COL10A1: variants seen among roughly 807,000 people sequenced by gnomAD.
The protein encoded by COL10A1 is collagen type X alpha 1 chain.
COL10A1 carries 10 observed loss-of-function variants against 18.2 expected under a neutral mutation model. That is an observed-to-expected ratio of 0.55 (90% confidence interval 0.34 to 0.93). COL10A1 has a LOEUF of 0.93. Ranked by LOEUF, COL10A1 falls within the 40% of genes least tolerant of loss-of-function variation. COL10A1 has a pLI of 0.02. For missense variants in COL10A1, 897 were observed against 853.5 expected, an observed-to-expected ratio of 1.05 and a Z score of -0.64; for synonymous variants, 330 against 316.6, an observed-to-expected ratio of 1.04 and a Z score of -0.45.
intron 1 of COL10A1, among the ~76,000 whole-genome samples, chr6:116,141,217 C>T (rs1211582613): frequency 1.3e-5 from 2 of 150,904 alleles, no homozygotes; most frequent in African/African-American, 4.9e-5. Context: ...TTTGTGTTTA[C>T]TCCTCTCTCA....
chr6:116,139,028 A>C (rs1779696319), intron 1 of COL10A1, among the ~76,000 whole-genome samples: 1 of 152,164 alleles, frequency 6.6e-6, no homozygotes, highest in Admixed American at 6.5e-5. Context: ...TATTTTGATC[A>C]TACATGATTT....
chr6:116,140,221 T>C (rs1162562011), intron 1 of COL10A1, among the ~76,000 whole-genome samples: 2 of 152,166 alleles, frequency 1.3e-5, no homozygotes, highest in African/African-American at 2.4e-5. Flanking sequence ...TTTCCTTTCA[T>C]TGTTACCTAA....
chr6:116,161,353 AT>A (rs1158088997), upstream of COL10A1, among the ~76,000 whole-genome samples: 1 of 152,126 alleles, frequency 6.6e-6, no homozygotes, highest in Non-Finnish European at 1.5e-5. Context: ...ATAATAAAAA[AT>A]AATAATAAAG....
chr6:116,179,605 C>T, the COL10A1 span, among the ~76,000 whole-genome samples: 2 of 152,046 alleles, frequency 1.3e-5, no homozygotes, highest in Non-Finnish European at 2.9e-5. Flanking sequence ...AATTAACCTA[C>T]TGAAATTAAA....
chr6:116,152,536 C>T (rs893448356), intron 1 of COL10A1, among the ~76,000 whole-genome samples: 1 of 152,142 alleles, frequency 6.6e-6, no homozygotes, highest in African/African-American at 2.4e-5. Context: ...CAGTCTGACT[C>T]CTGTGTACTG....
chr6:116,176,654 A>T, the COL10A1 span, among the ~76,000 whole-genome samples: 3 of 152,114 alleles, frequency 2.0e-5, no homozygotes, highest in Non-Finnish European at 4.4e-5. Context: ...TTTTTCTTCC[A>T]CCTTTTTCCC....
chr6:116,119,978 T>C lies in COL10A1; in HGVS notation c.*95A>G. 1.8e-6 allele frequency: 2 copies of C among 1,123,762 alleles called. No individual in the cohort carries two copies. The highest frequency in any genetic ancestry group is 1.3e-6 in the Non-Finnish European group (1 of 744,156). The allele number at this position is 1,123,762 out of a possible 1,614,324, so 69.6% of individuals were successfully genotyped here. A position where few individuals can be genotyped will look rare whatever the true frequency, so the allele number is the denominator to read the frequency against. On this transcript the variant is annotated 3_prime_UTR_variant, in exon 3 of 3. Transcript: ENST00000651968. ...TGTATTTCAGAAAATAAAAATTACA[T>C]TCTTTTCAGCCTACCTCCATATGCA...
At chr6:116,178,102 C>T in the COL10A1 span, among the ~76,000 whole-genome samples, 6,028 of 94,500 alleles carry the variant, frequency 0.064, 178 homozygotes, top group South Asian at 0.086. Flanking sequence ...CGCGCGCGCG[C>T]GTGCGTGCGT....
intron 1 of COL10A1, among the ~76,000 whole-genome samples, chr6:116,151,684 A>G (rs1037795999): frequency 5.9e-5 from 9 of 152,166 alleles, no homozygotes; most frequent in Admixed American, 5.9e-4. Flanking sequence ...AGAAACCATA[A>G]TTTTATATTT....
chr6:116,214,781 T>C, the COL10A1 span, among the ~76,000 whole-genome samples: 2 of 152,062 alleles, frequency 1.3e-5, no homozygotes, highest in Non-Finnish European at 1.5e-5. Flanking sequence ...TAAAGAGTTA[T>C]CTGTGTTGTG....
the COL10A1 span, among the ~76,000 whole-genome samples, chr6:116,178,785 A>G: frequency 5.9e-3 from 905 of 152,340 alleles, 10 homozygotes; most frequent in African/African-American, 0.021. Context: ...AGGGGAACTC[A>G]TGGATTAATT....
chr6:116,125,264 T>A, intron 2 of COL10A1, 75 bp downstream of exon 2: 3 of 1,528,796 alleles, frequency 2.0e-6, no homozygotes, highest in East Asian at 4.5e-5. Flanking sequence ...AAATGCATTT[T>A]GTTAAAGAGA....
the COL10A1 span, among the ~76,000 whole-genome samples, chr6:116,200,180 G>A: frequency 1.3e-5 from 2 of 151,898 alleles, no homozygotes. Context: ...GAAAAAGTCA[G>A]ACAAATCCCA....
At chr6:116,124,067 A>G (rs1779219554) in intron 2 of COL10A1, among the ~76,000 whole-genome samples, 1 of 151,968 alleles carries the variant, frequency 6.6e-6, no homozygotes, top group African/African-American at 2.4e-5. Flanking sequence ...TAAATTTTAA[A>G]ATTTTTATTT....
At chr6:116,152,462 C>T (rs945868427) in intron 1 of COL10A1, among the ~76,000 whole-genome samples, 1 of 152,064 alleles carries the variant, frequency 6.6e-6, no homozygotes, top group African/African-American at 2.4e-5. Flanking sequence ...GCTTTAAACT[C>T]ATCTATTATG....
At chr6:116,160,892 G>A (rs913948214), upstream of COL10A1, among the ~76,000 whole-genome samples, 10 of 152,000 alleles carry the variant, frequency 6.6e-5, no homozygotes, top group Non-Finnish European at 1.2e-4. Flanking sequence ...ACATGCACAC[G>A]TATGTTTATT....
At chr6:116,158,627 G>A (rs1349614260) in exon 1 of COL10A1, 1 of 152,140 alleles carries the variant, frequency 6.6e-6, no homozygotes, top group Admixed American at 6.5e-5. Context: ...TATTTGCTGA[G>A]AGATTCCCTA....
the COL10A1 span, among the ~76,000 whole-genome samples, chr6:116,176,803 C>G: frequency 6.6e-6 from 1 of 152,242 alleles, no homozygotes; most frequent in Admixed American, 6.5e-5. Flanking sequence ...ATTTGTTGTT[C>G]CCCCTAGAGG....
intron 1 of COL10A1, chr6:116,145,620 T>C (rs889469498): frequency 2.3e-5 from 4 of 170,632 alleles, no homozygotes; most frequent in African/African-American, 9.5e-5. Context: ...TTACTAATGT[T>C]ACATAATCTA....
Sources: gnomAD v4.1 joint callset for allele counts (sites outside exome capture counted in the v4.1 genomes callset) on GRCh38, gnomAD v4.1.1 for gene constraint, MANE v1.5 for transcripts, NCBI Gene and HGNC (gene_info 2026-07-23, HGNC 2026-07-21) for gene names.